The following CYP2C18 variants were observed in gnomAD, a reference collection of about 807,000 sequenced individuals.
CYP2C18 encodes the protein cytochrome P450 2C18.
Under a neutral mutation model 41.3 loss-of-function variants are expected in CYP2C18, and 38 were observed. The observed-to-expected ratio is 0.92, with a 90% confidence interval of 0.71 to 1.21. The LOEUF is 1.21. Among genes scored for constraint, CYP2C18 ranks in the 50% most tolerant of loss-of-function variants. The pLI, the probability that CYP2C18 is intolerant of heterozygous loss-of-function variation, is 0.00. For missense variants in CYP2C18, 635 were observed against 591.4 expected, an observed-to-expected ratio of 1.07 and a Z score of -0.77; for synonymous variants, 236 against 210.0, an observed-to-expected ratio of 1.12 and a Z score of -1.07.
chr10:94,694,783 G>C (rs1215886028), intron 3 of CYP2C18, 134 bp from the exon 4 acceptor site: 1 of 931,368 alleles, frequency 1.1e-6, no homozygotes, highest in East Asian at 2.7e-5. Context: ...TCAATATGCT[G>C]TAGTTTGTGT....
rs191023124 is a variant in CYP2C18 at position 94,723,951 on chromosome 10, A to G, written c.962-395A>G. On this transcript the variant is annotated intron_variant, in intron 6 of 8. Coordinates refer to ENST00000285979, the MANE Select transcript of CYP2C18 (RefSeq NM_000772.3). ...ACACAATACACAAATCCATCCATACATATAGATCTGTTAGTAGAATTAAAG... is the reference window on the plus strand; with the variant it reads ...ACACAATACACAAATCCATCCATACGTATAGATCTGTTAGTAGAATTAAAG... Among the ~76,000 whole-genome samples, 341 of 152,282 alleles carry G rather than the reference A, an allele frequency of 2.2e-3. 1 individual carries two copies. Among genetic ancestry groups the G allele is most frequent in the African/African-American group, 7.1e-3 (294 of 41,580 alleles).
chr10:94,729,823 A>G (rs1372038115), intron 7 of CYP2C18, among the ~76,000 whole-genome samples: 1 of 152,232 alleles, frequency 6.6e-6, no homozygotes, highest in African/African-American at 2.4e-5. Context: ...TAAAATGAAG[A>G]TGACAGGAAA....
rs114045394 is a variant in CYP2C18, at chr10:94,688,499, C to T, written c.481+225C>T. 3.4e-3 allele frequency among the ~76,000 whole-genome samples: 511 copies of T among 152,170 alleles called. 2 individuals carry two copies. Among genetic ancestry groups the T allele is most frequent in the African/African-American group, 0.012 (495 of 41,500 alleles). On this transcript the variant is annotated intron_variant, in intron 3 of 8. Coordinates refer to ENST00000285979, the MANE Select transcript of CYP2C18 (RefSeq NM_000772.3). The stretch of plus-strand genomic sequence containing the variant: ...CCTGTGTTCTAGCTATCTTGAAATA[C>T]GCAATACTTTGACATTAACACACTG...
At position 94,714,678 on chromosome 10, in the gene CYP2C18, T is replaced by C. The variant is rs528350589; in HGVS notation, c.820-5718T>C. ...CAATGTGGGCTCTTTTTTGGTTCCA[T>C]ATGAACTTTAAAGTAGTTTTTTCCA... On this transcript the variant is annotated intron_variant, in intron 5 of 8. Transcript: ENST00000285979. Among the ~76,000 whole-genome samples, 6 of 152,318 alleles carry C rather than the reference T, an allele frequency of 3.9e-5. No individual in the cohort carries two copies. In the South Asian group the frequency reaches 1.0e-3, roughly 26 times the overall value.
At chr10:94,700,349 A>T (rs1048540029) in intron 4 of CYP2C18, among the ~76,000 whole-genome samples, 2 of 152,216 alleles carry the variant, frequency 1.3e-5, no homozygotes, top group African/African-American at 2.4e-5. Flanking sequence ...CTGATCTTTG[A>T]CAAACCTGAC....
intron 7 of CYP2C18, among the ~76,000 whole-genome samples, chr10:94,733,037 G>A (rs947511891): frequency 6.6e-6 from 1 of 151,774 alleles, no homozygotes; most frequent in East Asian, 1.9e-4. Flanking sequence ...ATGATAAACC[G>A]GGATTCAGAA....
chr10:94,733,956 C>T (rs1476258268), intron 8 of CYP2C18, among the ~76,000 whole-genome samples: 4 of 151,906 alleles, frequency 2.6e-5, no homozygotes, highest in South Asian at 2.1e-4. Flanking sequence ...GAGGGGAAAG[C>T]GCAGGATGTT....
At chr10:94,727,206 A>G (rs1353364675) in intron 7 of CYP2C18, among the ~76,000 whole-genome samples, 3 of 152,232 alleles carry the variant, frequency 2.0e-5, no homozygotes, top group African/African-American at 7.2e-5. Flanking sequence ...TAAAAGCCTG[A>G]GTAGTTAAAA....
At chr10:94,733,015 G>A (rs1847860302) in intron 7 of CYP2C18, among the ~76,000 whole-genome samples, 1 of 145,610 alleles carries the variant, frequency 6.9e-6, no homozygotes, top group African/African-American at 2.8e-5. Context: ...TGTACACCAG[G>A]GTCCAAGCTT....
intron 7 of CYP2C18, among the ~76,000 whole-genome samples, chr10:94,725,291 T>C (rs898043718): frequency 2.0e-5 from 3 of 151,786 alleles, no homozygotes; most frequent in African/African-American, 7.2e-5. Context: ...TTGTTTCTGG[T>C]ACATGGAAAT....
intron 4 of CYP2C18, among the ~76,000 whole-genome samples, chr10:94,704,049 G>T (rs1453152411): frequency 6.6e-6 from 1 of 152,246 alleles, no homozygotes. Flanking sequence ...TTTGCCATCC[G>T]TGGGCTGCAC....
At chr10:94,697,330 A>G (rs1847136580) in intron 4 of CYP2C18, among the ~76,000 whole-genome samples, 1 of 152,268 alleles carries the variant, frequency 6.6e-6, no homozygotes, top group Admixed American at 6.5e-5. Context: ...AATATTCAAC[A>G]TTCTTAAAGA....
rs78709924 is a variant in CYP2C18, at chr10:94,689,686, A to G, written c.481+1412A>G. Among the ~76,000 whole-genome samples the G allele has an allele frequency of 3.4e-3, 513 of 152,272 alleles. 2 individuals carry two copies. The highest frequency in any genetic ancestry group is 0.012 in the African/African-American group (497 of 41,552). On this transcript the variant is annotated intron_variant, in intron 3 of 8. Coordinates refer to ENST00000285979, the MANE Select transcript of CYP2C18 (RefSeq NM_000772.3). ...GAATATTGACAATATTATTTATAAT[A>G]TTTCCCAATATTAGAGAATATTGAC...
At position 94,720,509 on chromosome 10, in the gene CYP2C18, G is replaced by A; in HGVS notation, c.933G>A (p.Leu311=). 6.2e-7 allele frequency: 1 copy of A among 1,613,296 alleles called. No individual in the cohort carries two copies. The highest frequency in any genetic ancestry group is 1.1e-5 in the South Asian group (1 of 91,028). ...GCACCACTCTGAGATATGGACTCCT[G>A]CTCCTGCTGAAGTACCCAGAGGTCA... ...TTSTTLRYGL[L]LLLKYPEVTA... is the part of the protein sequence containing the mutation. The change falls in exon 6 of 9, where the codon CTG becomes CTA. Residue 311 remains leucine (L), a synonymous_variant. Transcript: ENST00000285979.
chr10:94,708,314 C>T (rs1847378105), intron 5 of CYP2C18, among the ~76,000 whole-genome samples: 1 of 152,150 alleles, frequency 6.6e-6, no homozygotes, highest in Non-Finnish European at 1.5e-5. Context: ...GTCAATTGTT[C>T]TGAGGTCTAA....
intron 5 of CYP2C18, among the ~76,000 whole-genome samples, chr10:94,715,085 G>A (rs996501101): frequency 6.6e-5 from 10 of 152,022 alleles, no homozygotes; most frequent in African/African-American, 9.7e-5. Context: ...TTGGGCTGAG[G>A]CAATGGGGTT....
chr10:94,701,163 T>G (rs1431654265), intron 4 of CYP2C18, among the ~76,000 whole-genome samples: 1 of 152,206 alleles, frequency 6.6e-6, no homozygotes, highest in African/African-American at 2.4e-5. Flanking sequence ...TAAAGACACA[T>G]GCACACATAT....
rs1554844163 is a variant in CYP2C18, at chr10:94,720,458, G to A, written c.882G>A (p.Met294Ile). Reference sequence around the variant, plus strand: ...GCTTGATAGCCACTGTAACTGATATGTTTGGGGCTGGAACAGAGACAACGA... The same window carrying A: ...GCTTGATAGCCACTGTAACTGATATATTTGGGGCTGGAACAGAGACAACGA... ...VESLIATVTD[M>I]FGAGTETTST... The change falls in exon 6 of 9, where the codon ATG becomes ATA. Residue 294 changes from methionine to isoleucine, a missense_variant. Transcript: ENST00000285979. 1.9e-6 allele frequency: 3 copies of A among 1,613,244 alleles called. No homozygotes were observed. Among genetic ancestry groups the A allele is most frequent in the South Asian group, 2.2e-5 (2 of 91,054 alleles).
At chr10:94,710,933 A>G (rs540123592) in intron 5 of CYP2C18, among the ~76,000 whole-genome samples, 1 of 152,230 alleles carries the variant, frequency 6.6e-6, no homozygotes. Flanking sequence ...CCTATAGTCA[A>G]TAATTTAGAC....
Sources: allele counts gnomAD v4.1 joint callset (sites outside exome capture counted in the v4.1 genomes callset), GRCh38; gene constraint gnomAD v4.1.1; transcripts MANE v1.5; gene names NCBI Gene and HGNC (gene_info 2026-07-23, HGNC 2026-07-21).